The following PCDHGA5 variants were observed in gnomAD, a reference collection of about 807,000 sequenced individuals.
The protein encoded by PCDHGA5 is protocadherin gamma subfamily A, 5, also known as protocadherin gamma-A5.
A neutral mutation model predicts 56.7 loss-of-function variants in PCDHGA5; 36 were observed. That is an observed-to-expected ratio of 0.64 (90% CI 0.49 to 0.84). The LOEUF is 0.84. Among genes scored for constraint, PCDHGA5 ranks in the 40% least tolerant of loss-of-function variants. The pLI is 0.00. For missense variants in PCDHGA5, 1,305 were observed against 1,201.5 expected (o/e 1.09, Z -1.27); for synonymous variants, 563 against 520.2 (o/e 1.08, Z -1.12).
At chr5:141,436,324 G>A (rs972756085) in intron 1 of PCDHGA5, among the ~76,000 whole-genome samples, 10 of 152,134 alleles carry the variant, frequency 6.6e-5, no homozygotes, top group African/African-American at 2.4e-4. Flanking sequence ...AAGACTGTTA[G>A]ACCATATCTC....
At chr5:141,404,089 T>A in intron 1 of PCDHGA5, 2 of 1,613,496 alleles carry the variant, frequency 1.2e-6, no homozygotes, top group Non-Finnish European at 1.7e-6. Flanking sequence ...CCGGGAAGAA[T>A]GGTCAAGTTG....
At chr5:141,420,359 A>G in intron 1 of PCDHGA5, 1 of 1,378,858 alleles carries the variant, frequency 7.3e-7, no homozygotes, top group Non-Finnish European at 9.6e-7. Flanking sequence ...TTAAGATTCT[A>G]GATAACTTCT....
intron 2 of PCDHGA5, among the ~76,000 whole-genome samples, chr5:141,501,236 G>T (rs571684337): frequency 5.5e-4 from 83 of 150,782 alleles, no homozygotes; most frequent in African/African-American, 2.0e-3. Context: ...TCAGTTTTTT[G>T]AGCATGATGT....
rs561824381 is a variant in PCDHGA5 at position 141,449,084 on chromosome 5, C to T, written c.2422-45723C>T. Among the ~76,000 whole-genome samples, 8 of 152,250 alleles carry T rather than the reference C, an allele frequency of 5.3e-5. No individual in the cohort carries two copies. In the East Asian group the frequency reaches 1.4e-3, roughly 26 times the overall value. The stretch of plus-strand genomic sequence containing the variant: ...CTATTGAATAGCCCTGTACCTACAT[C>T]AGTTTTTACATATGCAGTATATCTT... On this transcript the variant is annotated intron_variant, in intron 1 of 3. Transcript: ENST00000518069.
chr5:141,489,061 C>A lies in PCDHGA5; in HGVS notation c.2422-5746C>A. On this transcript the variant is annotated intron_variant, in intron 1 of 3. Coordinates refer to ENST00000518069, the MANE Select transcript of PCDHGA5 (RefSeq NM_018918.3). This position sits in a 1 kb window ranked among gnomAD's most constrained non-coding sequence, Gnocchi z 4.5. ...AGCTCCACTCAAATTCAGCTCCCCT[C>A]CCCCCTGCCCACCCCCGCCACTCGG... 5 of 347,080 alleles carry A rather than the reference C, an allele frequency of 1.4e-5. No individual in the cohort carries two copies. The highest frequency in any genetic ancestry group is 2.2e-5 in the African/African-American group (1 of 46,422). 21.5% of individuals were successfully genotyped at this position (347,080 alleles called of 1,614,324 possible). A position where few individuals can be genotyped will look rare whatever the true frequency, so the allele number is the denominator to read the frequency against.
chr5:141,477,778 C>A lies in PCDHGA5; in HGVS notation c.2422-17029C>A. The stretch of plus-strand genomic sequence containing the variant: ...TCCTAGCCACCAACATCAGCGTGAA[C>A]ATATTTGTCACTGATCGCAATGACA... On this transcript the variant is annotated intron_variant, in intron 1 of 3. Coordinates refer to ENST00000518069, the MANE Select transcript of PCDHGA5 (RefSeq NM_018918.3). The surrounding 1 kb of genome is among the most constrained non-coding windows in gnomAD (Gnocchi z 4.9). The A allele has an allele frequency of 6.2e-7, 1 of 1,614,052 alleles. No individual in the cohort carries two copies. The highest frequency in any genetic ancestry group is 8.5e-7 in the Non-Finnish European group (1 of 1,180,040).
At chr5:141,392,873 G>C (rs1280602911) in intron 1 of PCDHGA5, 1 of 1,613,382 alleles carries the variant, frequency 6.2e-7, no homozygotes, top group Admixed American at 1.7e-5. Flanking sequence ...GCGCGCTGCT[G>C]GGAACGCTGT....
chr5:141,385,223 A>G, intron 1 of PCDHGA5: 2 of 1,614,184 alleles, frequency 1.2e-6, no homozygotes, highest in Non-Finnish European at 1.7e-6. Context: ...CAGCCCAACT[A>G]TGTAGACATG....
chr5:141,399,465 G>C (rs770080703), intron 1 of PCDHGA5: 20 of 1,614,014 alleles, frequency 1.2e-5, no homozygotes, highest in Non-Finnish European at 1.7e-5. Flanking sequence ...ATAACGCTCC[G>C]GTTTTCCACC....
intron 1 of PCDHGA5, chr5:141,441,206 C>T (rs750648706): frequency 3.3e-5 from 5 of 152,150 alleles, no homozygotes; most frequent in African/African-American, 4.8e-5. Context: ...GATTCTGCAC[C>T]TTGGACAGTA....
chr5:141,427,973 C>T (rs754410723), intron 1 of PCDHGA5: 3 of 1,594,054 alleles, frequency 1.9e-6, no homozygotes, highest in Non-Finnish European at 2.6e-6. Context: ...TGCTGTACCC[C>T]GCGCTGGGGC....
At chr5:141,452,792 A>AT (rs745523252) in intron 1 of PCDHGA5, among the ~76,000 whole-genome samples, 15 of 152,178 alleles carry the variant, frequency 9.9e-5, no homozygotes, top group Admixed American at 2.0e-4. Context: ...ACATACCATC[A>AT]TTTTTGCTGT....
rs1182148013 is a variant in PCDHGA5, at chr5:141,431,510, G to C, written c.2422-63297G>C. On this transcript the variant is annotated intron_variant, in intron 1 of 3. Transcript: ENST00000518069. This position sits in a 1 kb window ranked among gnomAD's most constrained non-coding sequence, Gnocchi z 4.8. ...TGCTCAGCCCGAGTACCGCGCGAGC[G>C]TTCCGGAGAATCTGGCCTTGGGCAC... 6.2e-7 allele frequency: 1 copy of C among 1,614,022 alleles called. No homozygotes were observed. The highest frequency in any genetic ancestry group is 8.5e-7 in the Non-Finnish European group (1 of 1,180,026).
chr5:141,374,413 C>G (rs773364230), intron 1 of PCDHGA5: 3 of 1,613,856 alleles, frequency 1.9e-6, no homozygotes, highest in Admixed American at 3.3e-5. Context: ...ACATCCTTGT[C>G]GAGGATAAAC....
At chr5:141,375,525 T>C (rs1027901003) in intron 1 of PCDHGA5, 13 of 1,613,866 alleles carry the variant, frequency 8.1e-6, no homozygotes, top group African/African-American at 1.3e-5. Context: ...GACCCTGACG[T>C]GGACCAGAAC....
intron 2 of PCDHGA5, among the ~76,000 whole-genome samples, chr5:141,501,212 A>G (rs936235563): frequency 1.9e-4 from 29 of 150,770 alleles, no homozygotes; most frequent in Admixed American, 1.8e-3. Flanking sequence ...TGTCAGGGTG[A>G]CTTCCTAGAT....
chr5:141,472,980 C>CAAAAAAAAAAAAAAAAAAAAAAAAAAAA (rs60579131), intron 1 of PCDHGA5, among the ~76,000 whole-genome samples: 1 of 86,106 alleles, frequency 1.2e-5, no homozygotes, highest in Non-Finnish European at 2.5e-5. Flanking sequence ...GAGTGAAACT[C>CAAAAAAAAAAAAAAAAAAAAAAAAAAAA]AAAAAAAAAA....
rs2096260633 is a variant in PCDHGA5 at position 141,418,459 on chromosome 5, G to C, written c.2421+51708G>C. 2.5e-6 allele frequency: 4 copies of C among 1,613,992 alleles called. No homozygotes were observed. In the East Asian group the frequency reaches 6.7e-5, roughly 27 times the overall value. ...CAGAATTAGTATTGCAGAAGACTCT[G>C]GACCGAGAAACGCAGAGCGCTCACC... On this transcript the variant is annotated intron_variant, in intron 1 of 3. Transcript: ENST00000518069.
intron 1 of PCDHGA5, among the ~76,000 whole-genome samples, chr5:141,461,886 C>T (rs944110458): frequency 3.3e-5 from 5 of 151,972 alleles, no homozygotes; most frequent in South Asian, 2.1e-4. Context: ...TGCAATGGCA[C>T]GATCTCGGCT....
Sources: gnomAD v4.1 joint callset for allele counts (sites outside exome capture counted in the v4.1 genomes callset) on GRCh38, gnomAD v4.1.1 for gene constraint, Gnocchi (gnomAD v3.1) non-coding constraint, MANE v1.5 for transcripts, NCBI Gene and HGNC (gene_info 2026-07-23, HGNC 2026-07-21) for gene names.